Variants in MALRD1 observed in about 807,000 individuals in gnomAD.
MALRD1 encodes MAM and LDL-receptor class A domain-containing protein 1.
Under a neutral mutation model 242.1 loss-of-function variants are expected in MALRD1, and 247 were observed. The observed-to-expected ratio is 1.02, with a 90% CI of 0.92 to 1.13. MALRD1 has a LOEUF of 1.13. Ranked by LOEUF, MALRD1 falls within the 50% of genes most tolerant of loss-of-function variation. The probability of loss-of-function intolerance (pLI) is 0.00; values close to 1 mark genes in which losing one functional copy is unlikely to be tolerated. For missense variants in MALRD1, 2,989 were observed against 2,533.1 expected (o/e 1.18, Z -3.86); for synonymous variants, 995 against 866.6 (o/e 1.15, Z -2.60).
Position 19,381,406 on chromosome 10 carries a change from T to A in MALRD1, c.4442-6122T>A, listed in dbSNP as rs1024917565. Among the ~76,000 whole-genome samples the A allele has an allele frequency of 2.6e-5, 4 of 152,240 alleles. No homozygotes were observed. In the South Asian group the frequency reaches 6.2e-4, roughly 24 times the overall value. On this transcript the variant is annotated intron_variant, in intron 26 of 39. Coordinates refer to ENST00000454679, the MANE Select transcript of MALRD1 (RefSeq NM_001142308.3). The stretch of plus-strand genomic sequence containing the variant: ...TGTCTTTATAGTTCTTAATAGAGTC[T>A]TTTGGTGACAAAGTCTTTCACAAGA...
intron 36 of MALRD1, among the ~76,000 whole-genome samples, chr10:19,666,347 G>A (rs749005981): frequency 5.3e-5 from 8 of 151,958 alleles, no homozygotes; most frequent in Non-Finnish European, 7.4e-5. Context: ...CATTCTGGAC[G>A]TTGTCATCAC....
intron 33 of MALRD1, among the ~76,000 whole-genome samples, chr10:19,576,890 A>G (rs1356573573): frequency 6.6e-6 from 1 of 151,258 alleles, no homozygotes; most frequent in East Asian, 1.9e-4. Context: ...AGTATATCTT[A>G]TAAGGTATTG....
chr10:19,632,519 A>G (rs7923590), intron 36 of MALRD1, among the ~76,000 whole-genome samples: 4,306 of 152,254 alleles, frequency 0.028, 184 homozygotes, highest in African/African-American at 0.097. Flanking sequence ...AAGATCATTC[A>G]GTTTCTAGAA....
chr10:19,335,192 GT>G (rs397828429), intron 24 of MALRD1, among the ~76,000 whole-genome samples: 8,520 of 137,282 alleles, frequency 0.062, 485 homozygotes, highest in African/African-American at 0.16. Context: ...GTTTTTTTTT[GT>G]TTTTTTTTTT....
At chr10:19,590,827 C>T (rs534650543) in intron 33 of MALRD1, among the ~76,000 whole-genome samples, 2 of 152,172 alleles carry the variant, frequency 1.3e-5, no homozygotes, top group East Asian at 1.9e-4. Flanking sequence ...GTCTTCCCTG[C>T]TATTAACATT....
At chr10:19,444,090 G>A (rs1357533447) in intron 28 of MALRD1, among the ~76,000 whole-genome samples, 1 of 152,074 alleles carries the variant, frequency 6.6e-6, no homozygotes, top group African/African-American at 2.4e-5. Context: ...TTTGATCTCT[G>A]TTGGTTTAAA....
chr10:19,087,926 G>C lies in MALRD1; in HGVS notation c.427G>C (p.Asp143His). 1.6e-6 allele frequency: 2 copies of C among 1,232,362 alleles called. No homozygotes were observed. Among genetic ancestry groups the C allele is most frequent in the Non-Finnish European group, 2.0e-6 (2 of 987,182 alleles). 76.3% of individuals were successfully genotyped at this position (1,232,362 alleles called of 1,614,324 possible). A position where few individuals can be genotyped will look rare whatever the true frequency, so the allele number is the denominator to read the frequency against. Residue 143 changes from aspartate (D) to histidine (H), a missense_variant, in exon 3 of 40, where the codon GAC (aspartate) becomes CAC (histidine). Coordinates refer to ENST00000454679, the MANE Select transcript of MALRD1 (RefSeq NM_001142308.3). ...TTTCCTTCCAACAAATGATCAACATGACTGCCAGGTATTTGAAAGCACACA... is the reference window on the plus strand; with the variant it reads ...TTTCCTTCCAACAAATGATCAACATCACTGCCAGGTATTTGAAAGCACACA... ...RVFLPTNDQH[D>H]CQITFYYFSC... is the part of the protein sequence containing the mutation.
intron 19 of MALRD1, among the ~76,000 whole-genome samples, chr10:19,276,924 G>T (rs1366943574): frequency 2.0e-5 from 3 of 150,870 alleles, no homozygotes; most frequent in Non-Finnish European, 4.4e-5. Context: ...TTTTTGTTTG[G>T]GTTGGGGGGT....
intron 28 of MALRD1, among the ~76,000 whole-genome samples, chr10:19,426,352 G>A (rs910773872): frequency 6.6e-6 from 1 of 152,180 alleles, no homozygotes; most frequent in Non-Finnish European, 1.5e-5. Flanking sequence ...TAGTGAAAGA[G>A]TTCAGTTCAT....
intron 14 of MALRD1, among the ~76,000 whole-genome samples, chr10:19,193,855 TAC>T (rs1564457206): frequency 1.3e-4 from 20 of 151,500 alleles, no homozygotes; most frequent in African/African-American, 4.8e-4. Context: ...TATATATATA[TAC>T]ACACACATAT....
rs760017752 is a variant in MALRD1 at position 19,387,696 on chromosome 10, A to C, written c.4610A>C (p.Asn1537Thr). The stretch of plus-strand genomic sequence containing the variant: ...GGCTGGCAAAACTCCCAGGCTGACA[A>C]CTTTGATTGGGTTTTAGGGGTTGGC... ...WCGWQNSQAD[N>T]FDWVLGVGSH... The change falls in exon 27 of 40, where the codon AAC becomes ACC. Residue 1537 changes from asparagine to threonine, a missense_variant. Transcript: ENST00000454679. 1 of 1,550,430 alleles carries C rather than the reference A, an allele frequency of 6.4e-7. No homozygotes were observed. The highest frequency in any genetic ancestry group is 1.2e-5 in the South Asian group (1 of 84,054).
At chr10:19,111,929 G>C (rs2131354996) in intron 5 of MALRD1, among the ~76,000 whole-genome samples, 1 of 152,288 alleles carries the variant, frequency 6.6e-6, no homozygotes, top group East Asian at 1.9e-4. Context: ...GCACTTGGCT[G>C]GGGCTGCACT....
chr10:19,047,138 T>C (rs1184280711), upstream of MALRD1, among the ~76,000 whole-genome samples: 3 of 152,102 alleles, frequency 2.0e-5, no homozygotes, highest in African/African-American at 7.2e-5. Flanking sequence ...TGAGAATGGA[T>C]AGAGTCTTCA....
intron 36 of MALRD1, among the ~76,000 whole-genome samples, chr10:19,656,408 A>C (rs1841154394): frequency 6.6e-6 from 1 of 152,102 alleles, no homozygotes; most frequent in Admixed American, 6.6e-5. Context: ...AGATACATTC[A>C]CCTAAACTTT....
At chr10:19,489,739 A>G (rs1236843371) in intron 29 of MALRD1, among the ~76,000 whole-genome samples, 1 of 152,194 alleles carries the variant, frequency 6.6e-6, no homozygotes, top group Non-Finnish European at 1.5e-5. Context: ...TTCAATGGCA[A>G]TATGGAGTCA....
At chr10:19,087,728 G>C in intron 2 of MALRD1, 112 bp from the exon 3 acceptor site, 1 of 460,508 alleles carries the variant, frequency 2.2e-6, no homozygotes, top group Non-Finnish European at 3.5e-6. Context: ...AGTTATTTTT[G>C]AATGTACAGT....
chr10:19,587,736 T>C (rs894581332), intron 33 of MALRD1, among the ~76,000 whole-genome samples: 5 of 151,824 alleles, frequency 3.3e-5, no homozygotes, highest in Admixed American at 6.6e-5. Flanking sequence ...TGAAGTGGAG[T>C]ATGGTAATCA....
intron 26 of MALRD1, among the ~76,000 whole-genome samples, chr10:19,369,265 A>G (rs545490691): frequency 6.8e-6 from 1 of 146,772 alleles, no homozygotes; most frequent in Non-Finnish European, 1.5e-5. Context: ...CTTATGTTGT[A>G]TACATTTATG....
At position 19,698,072 on chromosome 10, in the gene MALRD1, A is replaced by G. The variant is rs76060924; in HGVS notation, c.6314+5518A>G. ...AAATATTTTTCCAAGCTCCAGATCC[A>G]TACCGTGCTTTCAACCATTTGTTAG... On this transcript the variant is annotated intron_variant, in intron 38 of 39. Coordinates refer to ENST00000454679, the MANE Select transcript of MALRD1 (RefSeq NM_001142308.3). 2.4e-3 allele frequency among the ~76,000 whole-genome samples: 371 copies of G among 152,308 alleles called. 8 individuals are homozygous for G. The East Asian group carries it at 0.053, about 22-fold the overall frequency.
Sources: gnomAD v4.1 joint callset for allele counts (sites outside exome capture counted in the v4.1 genomes callset) on GRCh38, gnomAD v4.1.1 for gene constraint, MANE v1.5 for transcripts, NCBI Gene and HGNC (gene_info 2026-07-23, HGNC 2026-07-21) for gene names.